The following TNPO3 variants were observed in gnomAD, a reference collection of about 807,000 sequenced individuals.
The protein encoded by TNPO3 is transportin-3.
A neutral mutation model predicts 122.8 loss-of-function variants in TNPO3; 65 were observed. The ratio of observed to expected loss-of-function variants is 0.53; its 90% CI spans 0.43 to 0.65. TNPO3 has a LOEUF of 0.65. TNPO3 is among the 30% of genes least tolerant of loss of function. The probability of loss-of-function intolerance (pLI) is 0.00; values close to 1 mark genes in which losing one functional copy is unlikely to be tolerated. For missense variants in TNPO3, 850 were observed against 1,136.7 expected (o/e 0.75, Z 3.63); for synonymous variants, 372 against 411.2 (o/e 0.90, Z 1.15).
intron 21 of TNPO3, among the ~76,000 whole-genome samples, chr7:128,960,194 G>A (rs368282448): frequency 1.4e-4 from 22 of 152,178 alleles, no homozygotes; most frequent in African/African-American, 5.1e-4. Flanking sequence ...CAAACCTACT[G>A]CACTGCCAGT....
At chr7:129,038,624 T>C (rs1029591640) in intron 1 of TNPO3, among the ~76,000 whole-genome samples, 27 of 152,180 alleles carry the variant, frequency 1.8e-4, no homozygotes, top group Admixed American at 1.3e-4. Context: ...ATGTGGTAGA[T>C]ATGCACCATG....
intron 21 of TNPO3, among the ~76,000 whole-genome samples, chr7:128,964,793 A>G (rs915946140): frequency 2.0e-5 from 3 of 152,158 alleles, no homozygotes; most frequent in African/African-American, 7.2e-5. Context: ...ATTCTCCTGT[A>G]TATGGTCAAA....
chr7:128,979,737 T>C (rs1799442660), intron 15 of TNPO3, among the ~76,000 whole-genome samples: 1 of 152,198 alleles, frequency 6.6e-6, no homozygotes, highest in Non-Finnish European at 1.5e-5. Flanking sequence ...ACACAGTGAA[T>C]CTCTTTCTAC....
intron 5 of TNPO3, among the ~76,000 whole-genome samples, chr7:129,002,992 A>G (rs1433474304): frequency 2.2e-5 from 3 of 136,812 alleles, no homozygotes; most frequent in African/African-American, 8.1e-5. Context: ...GTGAGCCAAG[A>G]TGGCGCCACT....
chr7:129,022,202 T>C (rs958478029), intron 1 of TNPO3, among the ~76,000 whole-genome samples: 7 of 152,038 alleles, frequency 4.6e-5, no homozygotes, highest in Non-Finnish European at 7.4e-5. Flanking sequence ...CTGAGCAACA[T>C]AGCAAGATTC....
At chr7:129,029,858 T>TAA (rs543309144) in intron 1 of TNPO3, 12 of 146,188 alleles carry the variant, frequency 8.2e-5, no homozygotes, top group Admixed American at 3.4e-4. Flanking sequence ...CCATCTCTAC[T>TAA]AAAAAAAAAA....
At chr7:129,046,120 C>T (rs1361107402) in intron 1 of TNPO3, among the ~76,000 whole-genome samples, 1 of 131,982 alleles carries the variant, frequency 7.6e-6, no homozygotes, top group Non-Finnish European at 1.5e-5. Context: ...TGCTTGAACC[C>T]GGGAGGTGGA....
chr7:129,030,221 G>A (rs1053823800), intron 1 of TNPO3: 20 of 201,246 alleles, frequency 9.9e-5, no homozygotes, highest in Non-Finnish European at 2.1e-5. Flanking sequence ...CAGTATATGG[G>A]AAGAACATGT....
chr7:128,970,122 T>C, intron 20 of TNPO3, 26 bp downstream of exon 20: 1 of 1,613,794 alleles, frequency 6.2e-7, no homozygotes, highest in Non-Finnish European at 8.5e-7. Context: ...GACTATGAGA[T>C]AAATTCCTCA....
intron 4 of TNPO3, among the ~76,000 whole-genome samples, chr7:129,014,373 T>A (rs1465996598): frequency 2.0e-5 from 3 of 151,866 alleles, no homozygotes; most frequent in Non-Finnish European, 2.9e-5. Context: ...AAATAAAAAA[T>A]TTAGCTGGGC....
chr7:129,029,868 A>T (rs199529199), intron 1 of TNPO3: 1 of 151,990 alleles, frequency 6.6e-6, no homozygotes, highest in African/African-American at 2.4e-5. Flanking sequence ...TAAAAAAAAA[A>T]CCCAAAAAAT....
rs35060568 is a variant in TNPO3, at chr7:128,975,843, C to A, written c.2154G>T (p.Arg718=). 2.7e-3 allele frequency: 4,278 copies of A among 1,613,618 alleles called. 87 individuals are homozygous for A. The African/African-American group carries it at 0.048, about 18-fold the overall frequency. Residue 718 remains arginine (R), a synonymous_variant, in exon 17 of 23, where the codon CGG becomes CGT. Coordinates refer to ENST00000265388, the MANE Select transcript of TNPO3 (RefSeq NM_012470.4). ...VDEYGMEEGC[R]QGLLDMLQAL... ...CCTGGAGCATGTCTAGCAGTCCCTG[C>A]CGACAGCCTTCTTCCATGCCATATT... is the stretch of plus-strand genomic sequence containing the variant.
At chr7:129,028,095 G>T (rs955931717) in intron 1 of TNPO3, among the ~76,000 whole-genome samples, 5 of 152,178 alleles carry the variant, frequency 3.3e-5, no homozygotes, top group African/African-American at 1.2e-4. Context: ...AATGGGTCAA[G>T]GAAGGGAAAT....
At chr7:129,044,690 G>C (rs946495690) in intron 1 of TNPO3, among the ~76,000 whole-genome samples, 1 of 152,170 alleles carries the variant, frequency 6.6e-6, no homozygotes, top group Admixed American at 6.5e-5. Flanking sequence ...GTACAAGTGA[G>C]GGAAATACAG....
chr7:128,990,693 G>A (rs1158391148), intron 10 of TNPO3, among the ~76,000 whole-genome samples: 1 of 152,192 alleles, frequency 6.6e-6, no homozygotes, highest in East Asian at 1.9e-4. Context: ...TTTGGAACAT[G>A]AGGGAAAATT....
chr7:128,989,796 T>C (rs989941127), intron 11 of TNPO3, among the ~76,000 whole-genome samples, 165 bp downstream of exon 11: 29 of 152,326 alleles, frequency 1.9e-4, no homozygotes, highest in African/African-American at 6.7e-4. Flanking sequence ...ATTATAAATG[T>C]TATATCAAAT....
At position 128,979,006 on chromosome 7, in the gene TNPO3, G is replaced by C. The variant is rs1799364051; in HGVS notation, c.2038C>G (p.Leu680Val). 6.2e-7 allele frequency: 1 copy of C among 1,614,076 alleles called. No homozygotes were observed. Among genetic ancestry groups the C allele is most frequent in the African/African-American group, 1.3e-5 (1 of 74,944 alleles). ...ACCTGTGTGACTAGTGGCTGCAGCA[G>C]TGCTGCAGATCCTTTGCCTACACAG... is the stretch of plus-strand genomic sequence containing the variant. ...VRCVGKGSAA[L>V]LQPLVTQMVN... is the part of the protein sequence containing the mutation. Residue 680 changes from leucine (L) to valine (V), a missense_variant, in exon 16 of 23, where the codon CTG (leucine) becomes GTG (valine). Transcript: ENST00000265388.
rs1799747277 is a variant in TNPO3, at chr7:128,982,664, T to G, written c.1783-340A>C. ...AATATAGATTGTATATATGTTATGT[T>G]ACACAATATGTAAAAGATTATATAT... On this transcript the variant is annotated intron_variant, in intron 13 of 22. Transcript: ENST00000265388. Among the ~76,000 whole-genome samples the G allele has an allele frequency of 2.6e-5, 4 of 152,032 alleles. No homozygotes were observed. In the South Asian group the frequency reaches 8.3e-4, roughly 31 times the overall value.
At position 128,983,855 on chromosome 7, in the gene TNPO3, A is replaced by G. The variant is rs573938652; in HGVS notation, c.1782+313T>C. On this transcript the variant is annotated intron_variant, in intron 13 of 22. Coordinates refer to ENST00000265388, the MANE Select transcript of TNPO3 (RefSeq NM_012470.4). ...ACCAAACCATAATCCCACCACCTCAAGCACACTTTCTCAGAACTCCTCGAG... is the reference window on the plus strand; with the variant it reads ...ACCAAACCATAATCCCACCACCTCAGGCACACTTTCTCAGAACTCCTCGAG... Among the ~76,000 whole-genome samples the G allele has an allele frequency of 2.6e-5, 4 of 152,304 alleles. No individual in the cohort carries two copies. In the South Asian group the frequency reaches 8.3e-4, roughly 32 times the overall value.
Sources: allele counts gnomAD v4.1 joint callset (sites outside exome capture counted in the v4.1 genomes callset), GRCh38; gene constraint gnomAD v4.1.1; transcripts MANE v1.5; gene names NCBI Gene and HGNC (gene_info 2026-07-23, HGNC 2026-07-21).